SIPA1L1: variants seen among roughly 807,000 people sequenced by gnomAD.
The protein encoded by SIPA1L1 is signal induced proliferation associated 1 like 1.
In SIPA1L1, 26 loss-of-function variants were observed where a neutral mutation model predicts 162.7. The ratio of observed to expected loss-of-function variants is 0.16; its 90% CI spans 0.12 to 0.22. SIPA1L1 has a LOEUF of 0.22. Ranked by LOEUF, SIPA1L1 falls within the 10% of genes least tolerant of loss-of-function variation. SIPA1L1 has a pLI of 1.00. For missense variants in SIPA1L1, 1,874 were observed against 2,241.0 expected, an observed-to-expected ratio of 0.84 and a Z score of 3.31; for synonymous variants, 829 against 837.4, an observed-to-expected ratio of 0.99 and a Z score of 0.17.
intron 12 of SIPA1L1, among the ~76,000 whole-genome samples, chr14:71,673,699 A>T (rs1026806568): frequency 6.6e-6 from 1 of 152,236 alleles, no homozygotes; most frequent in Non-Finnish European, 1.5e-5. Context: ...GTCAAAATAT[A>T]GAAAAATTCC....
At chr14:71,601,706 T>C (rs892148672) in intron 5 of SIPA1L1, among the ~76,000 whole-genome samples, 1 of 152,168 alleles carries the variant, frequency 6.6e-6, no homozygotes, top group South Asian at 2.1e-4. Flanking sequence ...AGCAAAGCCA[T>C]TGGGTTCTAG....
intron 10 of SIPA1L1, among the ~76,000 whole-genome samples, chr14:71,666,710 A>G (rs1212510089): frequency 6.6e-6 from 1 of 152,108 alleles, no homozygotes; most frequent in Non-Finnish European, 1.5e-5. Flanking sequence ...ATGATATAGT[A>G]CAAAAAGCAC....
intron 2 of SIPA1L1, among the ~76,000 whole-genome samples, chr14:71,346,782 A>G (rs778006047): frequency 7.2e-5 from 11 of 152,206 alleles, no homozygotes; most frequent in Non-Finnish European, 1.6e-4. Flanking sequence ...GTGTGTAACC[A>G]TCACAACAAT....
intron 2 of SIPA1L1, among the ~76,000 whole-genome samples, chr14:71,345,128 C>T (rs1276024415): frequency 6.6e-6 from 1 of 152,008 alleles, no homozygotes; most frequent in East Asian, 1.9e-4. Flanking sequence ...CAGGAGGAGT[C>T]AATTTGGGTA....
chr14:71,389,377 T>C (rs1595171154), intron 2 of SIPA1L1, among the ~76,000 whole-genome samples: 1 of 152,364 alleles, frequency 6.6e-6, no homozygotes, highest in African/African-American at 2.4e-5. Flanking sequence ...ATAGTTTCTA[T>C]GTTTCCCTTT....
chr14:71,548,330 A>C (rs1334900682), intron 4 of SIPA1L1, among the ~76,000 whole-genome samples: 3 of 152,188 alleles, frequency 2.0e-5, no homozygotes, highest in Admixed American at 1.3e-4. Flanking sequence ...TTATTTACTA[A>C]ATTTTTATCA....
intron 2 of SIPA1L1, among the ~76,000 whole-genome samples, chr14:71,386,222 A>G (rs1000266905): frequency 1.3e-5 from 2 of 152,226 alleles, no homozygotes; most frequent in African/African-American, 4.8e-5. Flanking sequence ...CTGAGGAGCA[A>G]GGAAGCCAGT....
chr14:71,566,883 G>A lies in SIPA1L1; in HGVS notation c.-302-20688G>A, dbSNP rs368358218. 1.4e-4 allele frequency among the ~76,000 whole-genome samples: 22 copies of A among 152,102 alleles called. No homozygotes were observed. In the East Asian group the frequency reaches 2.3e-3, roughly 16 times the overall value. ...ACACTTTAAACAAAAGCCAACACAA[G>A]GTACAGACTCTGCGAATAAAGTCAG... On this transcript the variant is annotated intron_variant, in intron 4 of 23. Transcript: ENST00000381232.
chr14:71,650,951 T>C (rs1449016814), intron 8 of SIPA1L1, among the ~76,000 whole-genome samples: 1 of 152,188 alleles, frequency 6.6e-6, no homozygotes, highest in East Asian at 1.9e-4. Context: ...TTGTATTCTT[T>C]TTACATCTAG....
chr14:71,360,504 T>C (rs1595002293), intron 2 of SIPA1L1, among the ~76,000 whole-genome samples: 1 of 152,218 alleles, frequency 6.6e-6, no homozygotes, highest in Admixed American at 6.5e-5. Flanking sequence ...GAGACGAATG[T>C]ACAAGCCTCT....
rs1156942131 is a variant in SIPA1L1, at chr14:71,377,498, T to A, written c.-465+56317T>A. On this transcript the variant is annotated intron_variant, in intron 2 of 23. Transcript: ENST00000381232. This position sits in a 1 kb window ranked among gnomAD's most constrained non-coding sequence, Gnocchi z 4.8. ...GACGCTCCTCACTTCCCAGACTGGGTGGCCAGGCAGAGGGGCTCCTCACAT... is the reference window on the plus strand; with the variant it reads ...GACGCTCCTCACTTCCCAGACTGGGAGGCCAGGCAGAGGGGCTCCTCACAT... Among the ~76,000 whole-genome samples the A allele has an allele frequency of 6.8e-6, 1 of 147,826 alleles. No individual in the cohort carries two copies. Among genetic ancestry groups the A allele is most frequent in the Non-Finnish European group, 1.5e-5 (1 of 67,034 alleles).
At chr14:71,671,826 CAG>C (rs1042099516) in intron 11 of SIPA1L1, 134 bp downstream of exon 11, 17 of 658,260 alleles carry the variant, frequency 2.6e-5, no homozygotes, top group African/African-American at 2.5e-4. Context: ...GTGAAGCAAA[CAG>C]AGTTTATCTC....
intron 2 of SIPA1L1, among the ~76,000 whole-genome samples, chr14:71,455,153 C>G (rs2046098603): frequency 6.6e-6 from 1 of 152,188 alleles, no homozygotes; most frequent in African/African-American, 2.4e-5. Flanking sequence ...CATTCTGTCT[C>G]AGAAAATCAT....
At chr14:71,416,311 C>T (rs2042758156) in intron 2 of SIPA1L1, 1 of 152,044 alleles carries the variant, frequency 6.6e-6, no homozygotes. Context: ...ACTGATGGAT[C>T]TCATGACTCA....
At chr14:71,639,822 A>G (rs529206585) in intron 7 of SIPA1L1, among the ~76,000 whole-genome samples, 1 of 152,358 alleles carries the variant, frequency 6.6e-6, no homozygotes, top group Admixed American at 6.5e-5. Flanking sequence ...AATTCAGTGG[A>G]GGAAGGATAG....
chr14:71,550,367 A>G (rs1466665222), intron 4 of SIPA1L1, among the ~76,000 whole-genome samples: 2 of 152,206 alleles, frequency 1.3e-5, no homozygotes, highest in African/African-American at 2.4e-5. Flanking sequence ...GAAAAGGTAT[A>G]GTGTGGAGTA....
intron 4 of SIPA1L1, among the ~76,000 whole-genome samples, chr14:71,562,719 A>G (rs8017775): frequency 0.83 from 126,069 of 152,210 alleles, 52,716 homozygotes; most frequent in East Asian, 0.94. Context: ...GGAAATTAAA[A>G]TCTCAGCTCA....
chr14:71,326,365 C>T (rs2033805017), intron 2 of SIPA1L1, among the ~76,000 whole-genome samples: 1 of 152,016 alleles, frequency 6.6e-6, no homozygotes, highest in African/African-American at 2.4e-5. Context: ...CACGCCGCCA[C>T]ACCTGGCTGA....
intron 13 of SIPA1L1, 152 bp from the exon 14 acceptor site, chr14:71,698,829 A>G (rs1597067112): frequency 2.6e-5 from 8 of 307,760 alleles, no homozygotes; most frequent in South Asian, 1.6e-4. Context: ...TTTTATGGGG[A>G]AGTTTCTTTT....
Sources: gnomAD v4.1 joint callset for allele counts (sites outside exome capture counted in the v4.1 genomes callset) on GRCh38, gnomAD v4.1.1 for gene constraint, Gnocchi (gnomAD v3.1) non-coding constraint, MANE v1.5 for transcripts, NCBI Gene and HGNC (gene_info 2026-07-23, HGNC 2026-07-21) for gene names.